ZNF45: variants seen among roughly 807,000 people sequenced by gnomAD.
ZNF45 encodes zinc finger protein 45, also known as BRC1744.
In ZNF45, 4 loss-of-function variants were observed where a neutral mutation model predicts 12.0. That is an observed-to-expected ratio of 0.33 (90% CI 0.16 to 0.76). ZNF45 has a LOEUF of 0.76. Among genes scored for constraint, ZNF45 ranks in the 30% least tolerant of loss-of-function variants. The probability of loss-of-function intolerance (pLI) is 0.60; values close to 1 mark genes in which losing one functional copy is unlikely to be tolerated. For missense variants in ZNF45, 700 were observed against 813.0 expected, an observed-to-expected ratio of 0.86 and a Z score of 1.69; for synonymous variants, 272 against 279.6, an observed-to-expected ratio of 0.97 and a Z score of 0.27.
At chr19:43,933,941 C>T (rs1974328977) in intron 2 of ZNF45, among the ~76,000 whole-genome samples, 1 of 152,192 alleles carries the variant, frequency 6.6e-6, no homozygotes, top group Non-Finnish European at 1.5e-5. Context: ...CTTTCAAAAT[C>T]TTCTACAGTA....
chr19:43,922,091 C>G lies in ZNF45; in HGVS notation c.15+80G>C. 3 of 1,459,822 alleles carry G rather than the reference C, an allele frequency of 2.1e-6. No homozygotes were observed. The South Asian group carries it at 3.8e-5, about 19-fold the overall frequency. 90.4% of individuals were successfully genotyped at this position (1,459,822 alleles called of 1,614,324 possible). On this transcript the variant is annotated intron_variant, in intron 7 of 9. Coordinates refer to ENST00000269973, the MANE Select transcript of ZNF45 (RefSeq NM_003425.4). Reference sequence around the variant, plus strand: ...AATGTCTACCGTTCTCCTTCATCTTCCTAACAAAGAGAATAAGGTGTATGT... The same window carrying G: ...AATGTCTACCGTTCTCCTTCATCTTGCTAACAAAGAGAATAAGGTGTATGT...
At chr19:43,920,229 G>A (rs748329035) in intron 7 of ZNF45, among the ~76,000 whole-genome samples, 1 of 152,002 alleles carries the variant, frequency 6.6e-6, no homozygotes, top group Non-Finnish European at 1.5e-5. Flanking sequence ...ACCTGTTACT[G>A]TCCTTTTATT....
In ZNF45 at chr19:43,920,541, G is replaced by T. The variant is rs1325606276; in HGVS notation, c.16-842C>A. Among the ~76,000 whole-genome samples, 11 of 134,872 alleles carry T rather than the reference G, an allele frequency of 8.2e-5. 2 individuals are homozygous for T. The East Asian group carries it at 3.1e-3, about 38-fold the overall frequency. The allele number at this position is 134,872 out of a possible 152,430, so 88.5% of individuals were successfully genotyped here. On this transcript the variant is annotated intron_variant, in intron 7 of 9. Coordinates refer to ENST00000269973, the MANE Select transcript of ZNF45 (RefSeq NM_003425.4). ...GTTTCCAGATGTTGCCGGGTGGGGGGGGGGGGCAGTGGGCGGTAAAGTCAC... is the reference window on the plus strand; with the variant it reads ...GTTTCCAGATGTTGCCGGGTGGGGGTGGGGGGCAGTGGGCGGTAAAGTCAC...
At position 43,914,863 on chromosome 19, in the gene ZNF45, G is replaced by C. The variant is rs773179320; in HGVS notation, c.573C>G (p.Pro191=). 3.7e-6 allele frequency: 6 copies of C among 1,612,850 alleles called. No homozygotes were observed. The African/African-American group carries it at 8.0e-5, about 22-fold the overall frequency. Residue 191 remains proline (P), a synonymous_variant, in exon 10 of 10, where the codon CCC becomes CCG. Coordinates refer to ENST00000269973, the MANE Select transcript of ZNF45 (RefSeq NM_003425.4). Reference sequence around the variant, plus strand: ...CATTATCACATTTTTCACATTTGTAGGGCTTCTCTCCTGCATGAGCCCTTT... The same window carrying C: ...CATTATCACATTTTTCACATTTGTACGGCTTCTCTCCTGCATGAGCCCTTT... ...INQRAHAGEK[P]YKCEKCDNAF... is the part of the protein sequence containing the mutation.
rs545330072 is a variant in ZNF45 at position 43,921,856 on chromosome 19, G to A, written c.15+315C>T. Among the ~76,000 whole-genome samples the A allele has an allele frequency of 7.2e-5, 11 of 152,290 alleles. No individual in the cohort carries two copies. The South Asian group carries it at 1.4e-3, about 20-fold the overall frequency. On this transcript the variant is annotated intron_variant, in intron 7 of 9. Transcript: ENST00000269973. The stretch of plus-strand genomic sequence containing the variant: ...TTGTCTATACAATGCTTATAAATAC[G>A]CAGTTATGAATACATCTGAGGAAAA...
intron 3 of ZNF45, among the ~76,000 whole-genome samples, chr19:43,928,812 C>A (rs896084305): frequency 4.6e-5 from 7 of 152,182 alleles, no homozygotes; most frequent in Non-Finnish European, 1.5e-5. Context: ...GTGCCAAGAT[C>A]AACTCTATGC....
rs1338375902 is a variant in ZNF45, at chr19:43,918,843, T to C, written c.235+27A>G. ...AATATCTCCAAGGCTAACAGAAAAA[T>C]GTCCAGCAGCCCCAGCCCCTCCTCA... On this transcript the variant is annotated intron_variant, in intron 9 of 9. Coordinates refer to ENST00000269973, the MANE Select transcript of ZNF45 (RefSeq NM_003425.4). The C allele has an allele frequency of 1.1e-5, 17 of 1,595,188 alleles. No homozygotes were observed. In the East Asian group the frequency reaches 3.1e-4, roughly 29 times the overall value.
chr19:43,914,377 G>A lies in ZNF45; in HGVS notation c.1059C>T (p.Ile353=). 1 of 1,610,442 alleles carries A rather than the reference G, an allele frequency of 6.2e-7. No homozygotes were observed. The highest frequency in any genetic ancestry group is 8.5e-7 in the Non-Finnish European group (1 of 1,177,906). ...YSSHLNIHCR[I]HTGEKPYKCE... Reference sequence around the variant, plus strand: ...ACTTATAGGGTTTCTCTCCTGTGTGGATTCTACAATGAATATTAAGGTGTG... The same window carrying A: ...ACTTATAGGGTTTCTCTCCTGTGTGAATTCTACAATGAATATTAAGGTGTG... Residue 353 remains isoleucine (I), a synonymous_variant, in exon 10 of 10, where the codon ATC becomes ATT. Transcript: ENST00000269973.
chr19:43,913,737 G>A lies in ZNF45; in HGVS notation c.1699C>T (p.Arg567Trp), dbSNP rs763926972. The A allele has an allele frequency of 1.3e-5, 21 of 1,607,850 alleles. No homozygotes were observed. The highest frequency in any genetic ancestry group is 3.3e-5 in the South Asian group (3 of 90,824). ...CGATGTGCCAGAAAATTGGAGGCCC[G>A]ACAGAAGCCCTTCCCACACTCCTCA... is the stretch of plus-strand genomic sequence containing the variant. ...QCEECGKGFC[R>W]ASNFLAHRGV... The change falls in exon 10 of 10, where the codon CGG becomes TGG. Residue 567 changes from arginine (R) to tryptophan (W), a missense_variant. Physicochemically the swap from Arg to Trp is moderately radical, Grantham distance 101 (BLOSUM62 -3). Coordinates refer to ENST00000269973, the MANE Select transcript of ZNF45 (RefSeq NM_003425.4).
At position 43,914,186 on chromosome 19, in the gene ZNF45, T is replaced by C; in HGVS notation, c.1250A>G (p.Gln417Arg). The change falls in exon 10 of 10, where the codon CAG (glutamine) becomes CGG (arginine). Residue 417 changes from glutamine (Q) to arginine (R), a missense_variant. Coordinates refer to ENST00000269973, the MANE Select transcript of ZNF45 (RefSeq NM_003425.4). ...QRGHTGEKPY[Q>R]CDACGKGFSR... is the part of the protein sequence containing the mutation. ...GAAGCCCTTACCACATGCATCACAC[T>C]GATACGGTTTCTCTCCAGTATGGCC... The C allele has an allele frequency of 6.2e-7, 1 of 1,608,594 alleles. No homozygotes were observed. The highest frequency in any genetic ancestry group is 1.1e-5 in the South Asian group (1 of 90,810).
chr19:43,935,113 C>G lies in ZNF45; in HGVS notation c.-945G>C, dbSNP rs1281205534. ...CAATCAGCTGCCCAGCCATTCAACT[C>G]CGCCCTCCGCTGCTCGCCGCAGCGT... On this transcript the variant is annotated 5_prime_UTR_variant, in exon 1 of 10. Transcript: ENST00000269973. The G allele has an allele frequency of 6.6e-6, 1 of 152,412 alleles. No homozygotes were observed. Among genetic ancestry groups the G allele is most frequent in the Non-Finnish European group, 1.5e-5 (1 of 68,190 alleles). 9.4% of individuals were successfully genotyped at this position (152,412 alleles called of 1,614,324 possible). A position where few individuals can be genotyped will look rare whatever the true frequency, so the allele number is the denominator to read the frequency against.
At chr19:43,930,210 C>A (rs1974010311) in intron 3 of ZNF45, among the ~76,000 whole-genome samples, 1 of 152,116 alleles carries the variant, frequency 6.6e-6, no homozygotes. Context: ...GAGGTGAACT[C>A]TCTCTCTGAA....
chr19:43,927,643 G>C (rs1006659634), intron 3 of ZNF45, among the ~76,000 whole-genome samples: 1 of 152,158 alleles, frequency 6.6e-6, no homozygotes, highest in African/African-American at 2.4e-5. Flanking sequence ...TTTTTGTCAT[G>C]AAAGATTTCT....
chr19:43,932,883 T>C (rs1295806708), intron 2 of ZNF45, among the ~76,000 whole-genome samples, 193 bp from the exon 3 acceptor site: 2 of 152,186 alleles, frequency 1.3e-5, no homozygotes, highest in Non-Finnish European at 2.9e-5. Flanking sequence ...TGGGCTGAAT[T>C]GTGTGTGCCT....
intron 3 of ZNF45, among the ~76,000 whole-genome samples, chr19:43,927,719 G>A: frequency 6.6e-6 from 1 of 152,150 alleles, no homozygotes; most frequent in East Asian, 1.9e-4. Context: ...ATATCTGAAG[G>A]CATGTAATTC....
chr19:43,932,890 G>A (rs1974247424), intron 2 of ZNF45, among the ~76,000 whole-genome samples, 200 bp from the exon 3 acceptor site: 1 of 152,188 alleles, frequency 6.6e-6, no homozygotes, highest in Non-Finnish European at 1.5e-5. Flanking sequence ...AATTGTGTGT[G>A]CCTCTCTCAA....
Position 43,914,061 on chromosome 19 carries a change from G to C in ZNF45, c.1375C>G (p.Leu459Val). 1.2e-6 allele frequency: 2 copies of C among 1,614,108 alleles called. No individual in the cohort carries two copies. The highest frequency in any genetic ancestry group is 1.7e-6 in the Non-Finnish European group (2 of 1,180,008). Residue 459 changes from leucine to valine, a missense_variant, in exon 10 of 10, where the codon CTT (leucine) becomes GTT (valine). By Grantham distance (32) the Leu-to-Val change is conservative (BLOSUM62 1). Coordinates refer to ENST00000269973, the MANE Select transcript of ZNF45 (RefSeq NM_003425.4). ...GTGTGGCCTCTTTGATGGGCCAGAAGATTTGAGGCCTGGCTGAAGCCCTTG... is the reference window on the plus strand; with the variant it reads ...GTGTGGCCTCTTTGATGGGCCAGAACATTTGAGGCCTGGCTGAAGCCCTTG... ...CGKGFSQASN[L>V]LAHQRGHTGE... is the part of the protein sequence containing the mutation.
At chr19:43,917,787 C>T (rs1426695623) in intron 9 of ZNF45, among the ~76,000 whole-genome samples, 1 of 152,110 alleles carries the variant, frequency 6.6e-6, no homozygotes, top group Non-Finnish European at 1.5e-5. Context: ...TGACTGGCTG[C>T]AAGTTTTCAC....
intron 9 of ZNF45, among the ~76,000 whole-genome samples, chr19:43,917,700 G>T (rs1157413595): frequency 2.0e-5 from 3 of 152,070 alleles, no homozygotes; most frequent in Non-Finnish European, 4.4e-5. Context: ...TGGCCAGGCT[G>T]GTCTGGAACT....
Sources: gnomAD v4.1 joint callset for allele counts (sites outside exome capture counted in the v4.1 genomes callset) on GRCh38, gnomAD v4.1.1 for gene constraint, MANE v1.5 for transcripts, NCBI Gene and HGNC (gene_info 2026-07-23, HGNC 2026-07-21) for gene names.